The following RNF157 variants were observed in gnomAD, a reference collection of about 807,000 sequenced individuals.
RNF157 encodes the protein ring finger protein 157.
A neutral mutation model predicts 88.3 loss-of-function variants in RNF157; 55 were observed. The ratio of observed to expected loss-of-function variants is 0.62; its 90% confidence interval spans 0.50 to 0.78. The LOEUF is 0.78. Among genes scored for constraint, RNF157 ranks in the 30% least tolerant of loss-of-function variants. The pLI is 0.00. For synonymous variants in RNF157, 334 were observed against 341.2 expected (o/e 0.98, Z 0.23); for missense variants, 788 against 860.8 (o/e 0.92, Z 1.06).
intron 1 of RNF157, among the ~76,000 whole-genome samples, chr17:76,233,245 T>C (rs1290227623): frequency 6.6e-6 from 1 of 152,054 alleles, no homozygotes. Context: ...AATTGGATGG[T>C]TTGTCTCCAT....
At chr17:76,199,570 T>TAA (rs34151599) in intron 2 of RNF157, among the ~76,000 whole-genome samples, 38 of 110,994 alleles carry the variant, frequency 3.4e-4, no homozygotes, top group African/African-American at 5.8e-4. Flanking sequence ...AGCTGAAAGT[T>TAA]AAAAAAAAAA....
intron 1 of RNF157, among the ~76,000 whole-genome samples, chr17:76,233,854 G>A (rs963269592): frequency 2.8e-4 from 42 of 152,140 alleles, no homozygotes; most frequent in Non-Finnish European, 1.3e-4. Flanking sequence ...ATAGCTTTGT[G>A]GAGATACAAT....
At chr17:76,222,144 G>C (rs1010118115) in intron 1 of RNF157, among the ~76,000 whole-genome samples, 3 of 152,168 alleles carry the variant, frequency 2.0e-5, no homozygotes, top group Non-Finnish European at 2.9e-5. Flanking sequence ...TCAGGAGTTC[G>C]AGACCAGCCT....
chr17:76,169,255 C>T (rs1167914968), intron 3 of RNF157, among the ~76,000 whole-genome samples: 1 of 151,266 alleles, frequency 6.6e-6, no homozygotes, highest in East Asian at 1.9e-4. Flanking sequence ...TCCTATCATT[C>T]TATTGAAATT....
intron 2 of RNF157, among the ~76,000 whole-genome samples, chr17:76,192,841 C>CTT (rs34816147): frequency 7.8e-4 from 105 of 134,282 alleles, no homozygotes; most frequent in African/African-American, 2.5e-3. Flanking sequence ...ACTTTCTTTC[C>CTT]TTTTTTTTTT....
chr17:76,228,692 G>A (rs968875030), intron 1 of RNF157, among the ~76,000 whole-genome samples: 3 of 152,138 alleles, frequency 2.0e-5, no homozygotes, highest in Admixed American at 2.0e-4. Flanking sequence ...GGAGGCTGAG[G>A]CAGATGAATC....
chr17:76,166,511 T>A lies in RNF157; in HGVS notation c.578A>T (p.Asp193Val). 6.2e-7 allele frequency: 1 copy of A among 1,613,550 alleles called. No individual in the cohort carries two copies. Among genetic ancestry groups the A allele is most frequent in the Non-Finnish European group, 8.5e-7 (1 of 1,179,902 alleles). The change falls in exon 6 of 19, where the codon GAC (aspartate) becomes GTC (valine). Residue 193 changes from aspartate to valine, a missense_variant. Coordinates refer to ENST00000269391, the MANE Select transcript of RNF157 (RefSeq NM_052916.3). ...TACCACTAGAGGGTAAACTTCTCGG[T>A]CTAAATCAAAGCCAAGCTGAAGGGA... The part of the protein sequence containing the change: ...WAEEELGFDL[D>V]REVYPLVVHA...
intron 2 of RNF157, among the ~76,000 whole-genome samples, chr17:76,199,016 T>C (rs568916216): frequency 6.6e-6 from 1 of 152,336 alleles, no homozygotes; most frequent in East Asian, 1.9e-4. Context: ...AGGGACTGCA[T>C]TTCATCGGTA....
At chr17:76,175,019 T>C (rs2069081351) in intron 2 of RNF157, among the ~76,000 whole-genome samples, 1 of 152,226 alleles carries the variant, frequency 6.6e-6, no homozygotes, top group South Asian at 2.1e-4. Context: ...AAACTATCCC[T>C]AATTTTACTA....
At chr17:76,186,268 G>A (rs916066773) in intron 2 of RNF157, among the ~76,000 whole-genome samples, 1 of 152,168 alleles carries the variant, frequency 6.6e-6, no homozygotes, top group Non-Finnish European at 1.5e-5. Flanking sequence ...CACTTTGGGA[G>A]GCTGAGGTGG....
At chr17:76,205,407 T>C (rs938779105) in intron 2 of RNF157, among the ~76,000 whole-genome samples, 1 of 152,038 alleles carries the variant, frequency 6.6e-6, no homozygotes, top group Admixed American at 6.6e-5. Flanking sequence ...GTGCTGGGAA[T>C]AGGGATAAGC....
intron 2 of RNF157, among the ~76,000 whole-genome samples, chr17:76,204,082 A>G (rs1004279535): frequency 1.3e-5 from 2 of 152,132 alleles, no homozygotes; most frequent in Non-Finnish European, 2.9e-5. Context: ...AAACTTCTTA[A>G]TACAATATTC....
chr17:76,170,031 G>A (rs565529541), intron 3 of RNF157, among the ~76,000 whole-genome samples: 121 of 152,334 alleles, frequency 7.9e-4, no homozygotes, highest in South Asian at 6.2e-3. Context: ...AGGACTTGGG[G>A]ATCCTGGGCT....
chr17:76,208,964 A>G lies in RNF157; in HGVS notation c.207+3400T>C, dbSNP rs970829382. ...ACTCCAGCTTGGGTGACAGAGTGAG[A>G]CTCTGCCTCAAAAAAAAAAAAAAAT... is the stretch of plus-strand genomic sequence containing the variant. On this transcript the variant is annotated intron_variant, in intron 2 of 18. Coordinates refer to ENST00000269391, the MANE Select transcript of RNF157 (RefSeq NM_052916.3). Among the ~76,000 whole-genome samples the G allele has an allele frequency of 1.1e-4, 17 of 148,858 alleles. 1 individual carries two copies. The highest frequency in any genetic ancestry group is 5.3e-4 in the Admixed American group (8 of 15,108).
intron 2 of RNF157, among the ~76,000 whole-genome samples, chr17:76,189,942 C>T (rs2069355795): frequency 6.6e-6 from 1 of 152,190 alleles, no homozygotes; most frequent in South Asian, 2.1e-4. Context: ...GGTCCTTCTC[C>T]TCCAGCCCTG....
At chr17:76,239,350 G>T (rs554425034) in intron 1 of RNF157, among the ~76,000 whole-genome samples, 1 of 152,062 alleles carries the variant, frequency 6.6e-6, no homozygotes, top group Non-Finnish European at 1.5e-5. Flanking sequence ...CAATCCAGAG[G>T]CTAGAGACAT....
At chr17:76,225,636 GT>G (rs1332125190) in intron 1 of RNF157, 8 of 956,348 alleles carry the variant, frequency 8.4e-6, no homozygotes, top group Non-Finnish European at 1.0e-5. Context: ...TGACCTCATT[GT>G]TTTTAGTGGC....
At chr17:76,223,143 G>A (rs959863792) in intron 1 of RNF157, among the ~76,000 whole-genome samples, 2 of 150,986 alleles carry the variant, frequency 1.3e-5, no homozygotes, top group Non-Finnish European at 2.9e-5. Context: ...GCCCACCTGG[G>A]CCTCCCAAAG....
At chr17:76,228,272 C>G (rs995625821) in intron 1 of RNF157, among the ~76,000 whole-genome samples, 11 of 152,156 alleles carry the variant, frequency 7.2e-5, no homozygotes, top group Non-Finnish European at 1.2e-4. Flanking sequence ...GTCTAAAACC[C>G]TTCCCACATT....
Sources: gnomAD v4.1 joint callset for allele counts (sites outside exome capture counted in the v4.1 genomes callset) on GRCh38, gnomAD v4.1.1 for gene constraint, MANE v1.5 for transcripts, NCBI Gene and HGNC (gene_info 2026-07-23, HGNC 2026-07-21) for gene names.